PCOLCE2: variants seen among roughly 807,000 people sequenced by gnomAD.
PCOLCE2 encodes procollagen C-proteinase enhancer 2.
PCOLCE2 carries 42 observed loss-of-function variants against 47.0 expected under a neutral mutation model. The observed-to-expected ratio is 0.89, with a 90% CI of 0.70 to 1.16. The LOEUF (loss-of-function observed/expected upper bound fraction) is 1.16. Ranked by LOEUF, PCOLCE2 falls within the 50% of genes most tolerant of loss-of-function variation. The pLI is 0.00. For synonymous variants in PCOLCE2, 169 were observed against 191.7 expected (o/e 0.88, Z 0.98); for missense variants, 500 against 526.1 (o/e 0.95, Z 0.49).
chr3:142,826,162 G>A lies in PCOLCE2; in HGVS notation c.866-2547C>T, dbSNP rs1396208237. ...TGGGACTACAGGTGCCCACCACCAC[G>A]CCCGGCTAATTTTTTTGTATTTTTT... On this transcript the variant is annotated intron_variant, in intron 6 of 8. Transcript: ENST00000295992. 2.0e-5 allele frequency among the ~76,000 whole-genome samples: 3 copies of A among 151,912 alleles called. No homozygotes were observed. The East Asian group carries it at 5.8e-4, about 29-fold the overall frequency.
intron 5 of PCOLCE2, among the ~76,000 whole-genome samples, chr3:142,836,329 T>G (rs534574701): frequency 2.0e-4 from 31 of 152,322 alleles, no homozygotes; most frequent in African/African-American, 7.5e-4. Context: ...TGCTGTGGTC[T>G]TTGCTCCAAA....
intron 5 of PCOLCE2, among the ~76,000 whole-genome samples, chr3:142,836,301 G>A (rs1310385741): frequency 6.6e-6 from 1 of 152,164 alleles, no homozygotes; most frequent in Non-Finnish European, 1.5e-5. Flanking sequence ...CAGCTTCTCT[G>A]GGTCCCTTTT....
chr3:142,872,733 A>C (rs1361649693), intron 2 of PCOLCE2, among the ~76,000 whole-genome samples: 1 of 152,186 alleles, frequency 6.6e-6, no homozygotes, highest in African/African-American at 2.4e-5. Context: ...CACATCACAA[A>C]GTGACAATGC....
At chr3:142,837,765 C>T (rs1403504245) in intron 5 of PCOLCE2, among the ~76,000 whole-genome samples, 1 of 152,138 alleles carries the variant, frequency 6.6e-6, no homozygotes, top group Non-Finnish European at 1.5e-5. Context: ...CATAATTACA[C>T]CAGAAATACA....
chr3:142,851,318 C>T (rs1193732443), intron 2 of PCOLCE2, among the ~76,000 whole-genome samples: 2 of 152,120 alleles, frequency 1.3e-5, no homozygotes, highest in Non-Finnish European at 1.5e-5. Flanking sequence ...TTTGTTTGTT[C>T]GTGGTCTTCT....
At chr3:142,882,799 G>A (rs1933651184) in intron 2 of PCOLCE2, among the ~76,000 whole-genome samples, 1 of 152,108 alleles carries the variant, frequency 6.6e-6, no homozygotes, top group South Asian at 2.1e-4. Context: ...TTAAATCTAA[G>A]AACAGAATCA....
At chr3:142,826,064 G>A (rs1414604453) in intron 6 of PCOLCE2, among the ~76,000 whole-genome samples, 1 of 151,908 alleles carries the variant, frequency 6.6e-6, no homozygotes, top group African/African-American at 2.4e-5. Context: ...GAGTGCAGTG[G>A]CGCGATGTCG....
intron 2 of PCOLCE2, among the ~76,000 whole-genome samples, chr3:142,881,095 C>T (rs1362124115): frequency 6.6e-6 from 1 of 152,160 alleles, no homozygotes; most frequent in Non-Finnish European, 1.5e-5. Flanking sequence ...TCCCTGAGGA[C>T]AGAAATTATG....
chr3:142,857,488 C>T (rs756592067), intron 2 of PCOLCE2, among the ~76,000 whole-genome samples: 12 of 152,130 alleles, frequency 7.9e-5, no homozygotes, highest in Non-Finnish European at 1.8e-4. Flanking sequence ...GAAGCTCTAC[C>T]AAGCCCATCC....
intron 2 of PCOLCE2, among the ~76,000 whole-genome samples, chr3:142,865,450 C>T (rs1239011818): frequency 6.6e-6 from 1 of 151,694 alleles, no homozygotes; most frequent in Admixed American, 6.5e-5. Context: ...CATTTTACGC[C>T]AAGAGTGAGA....
intron 6 of PCOLCE2, among the ~76,000 whole-genome samples, chr3:142,826,043 C>T (rs944730896): frequency 2.2e-4 from 33 of 151,762 alleles, no homozygotes; most frequent in African/African-American, 7.5e-4. Flanking sequence ...CTCACTCTGT[C>T]GCCCAGGCTG....
intron 3 of PCOLCE2, among the ~76,000 whole-genome samples, chr3:142,845,671 C>T (rs996533443): frequency 1.8e-4 from 27 of 152,118 alleles, no homozygotes; most frequent in Non-Finnish European, 3.4e-4. Context: ...TTTATTCCAG[C>T]GCTTTAAAAA....
In PCOLCE2 at chr3:142,868,480, G is replaced by A. The variant is rs540023966; in HGVS notation, c.192+19189C>T. 7.9e-5 allele frequency among the ~76,000 whole-genome samples: 12 copies of A among 152,030 alleles called. 2 individuals carry two copies. In the South Asian group the frequency reaches 1.0e-3, roughly 13 times the overall value. ...TTCTACTTTTAAACTTAACTTCCTC[G>A]TAAAGCAACCTTTTGGGATTACCTG... is the stretch of plus-strand genomic sequence containing the variant. On this transcript the variant is annotated intron_variant, in intron 2 of 8. Coordinates refer to ENST00000295992, the MANE Select transcript of PCOLCE2 (RefSeq NM_013363.4).
intron 2 of PCOLCE2, among the ~76,000 whole-genome samples, chr3:142,860,620 C>A (rs1325371254): frequency 6.6e-6 from 1 of 152,176 alleles, no homozygotes; most frequent in African/African-American, 2.4e-5. Context: ...GTTGGTCAGG[C>A]TGGTCTCAAA....
chr3:142,845,609 C>T (rs1230422347), intron 3 of PCOLCE2, among the ~76,000 whole-genome samples: 1 of 152,122 alleles, frequency 6.6e-6, no homozygotes, highest in Non-Finnish European at 1.5e-5. Flanking sequence ...CTGAAAATGT[C>T]TTCATTTTAC....
In PCOLCE2 at chr3:142,842,739, C is replaced by CA. The variant is rs150459672; in HGVS notation, c.573+184dup. Among the ~76,000 whole-genome samples, 3,657 of 135,340 alleles carry CA rather than the reference C, an allele frequency of 0.027. 111 individuals carry two copies. Among genetic ancestry groups the CA allele is most frequent in the African/African-American group, 0.07 (2,615 of 37,260 alleles). The allele number at this position is 135,340 out of a possible 152,430, so 88.8% of individuals were successfully genotyped here. ...GGGCGACAAGAGCGAAACTCTGTCT[C>CA]AAAAAAAAAAAAAAATATCTGGGGT... is the stretch of plus-strand genomic sequence containing the variant. On this transcript the variant is annotated intron_variant, in intron 4 of 8. Transcript: ENST00000295992. This position sits in a 1 kb window ranked among gnomAD's most constrained non-coding sequence, Gnocchi z 4.1.
At chr3:142,858,615 G>C (rs1056599979) in intron 2 of PCOLCE2, among the ~76,000 whole-genome samples, 7 of 151,768 alleles carry the variant, frequency 4.6e-5, no homozygotes, top group African/African-American at 1.5e-4. Flanking sequence ...GGGGTAAGTG[G>C]GGGGGTCCCA....
At chr3:142,852,002 G>C (rs372129186) in intron 2 of PCOLCE2, among the ~76,000 whole-genome samples, 8 of 152,276 alleles carry the variant, frequency 5.3e-5, no homozygotes, top group African/African-American at 1.9e-4. Context: ...ACACAAATAT[G>C]ATCAGCAATA....
Position 142,823,546 on chromosome 3 carries a change from C to T in PCOLCE2, c.935G>A (p.Cys312Tyr), listed in dbSNP as rs1489367673. ...RRTGTLEGNY[C>Y]SSDFVLAGTV... ...TTATTTCTTACCAAAGTCACTTGAA[C>T]AATAATTGCCCTCCAGAGTCCCCGT... Residue 312 changes from cysteine (C) to tyrosine (Y), a missense_variant, in exon 7 of 9, where the codon TGT becomes TAT. Cys to Tyr is a radical substitution (Grantham distance 194). Transcript: ENST00000295992. 1.2e-6 allele frequency: 2 copies of T among 1,605,576 alleles called. No homozygotes were observed. Among genetic ancestry groups the T allele is most frequent in the African/African-American group, 1.3e-5 (1 of 74,718 alleles).
Sources: allele counts gnomAD v4.1 joint callset (sites outside exome capture counted in the v4.1 genomes callset), GRCh38; gene constraint gnomAD v4.1.1; non-coding constraint Gnocchi (gnomAD v3.1); transcripts MANE v1.5; gene names NCBI Gene and HGNC (gene_info 2026-07-23, HGNC 2026-07-21).